Variants in FAHD2A observed in about 807,000 individuals in gnomAD.
FAHD2A encodes oxaloacetate tautomerase FAHD2A, mitochondrial.
Under a neutral mutation model 33.4 loss-of-function variants are expected in FAHD2A, and 27 were observed. The observed-to-expected ratio is 0.81, with a 90% CI of 0.60 to 1.11. The LOEUF (loss-of-function observed/expected upper bound fraction) is 1.11, where lower values mean the gene tolerates loss of function less well. Among genes scored for constraint, FAHD2A ranks in the 50% most tolerant of loss-of-function variants. The pLI, the probability that FAHD2A is intolerant of heterozygous loss-of-function variation, is 0.00. For synonymous variants in FAHD2A, 130 were observed against 153.3 expected (o/e 0.85, Z 1.12); for missense variants, 296 against 395.0 (o/e 0.75, Z 2.12).
At chr2:95,419,943 C>T (rs191587406), downstream of FAHD2A, among the ~76,000 whole-genome samples, 83 of 152,052 alleles carry the variant, frequency 5.5e-4, 2 homozygotes, top group Non-Finnish European at 7.6e-4. Flanking sequence ...GCTGGAGAAC[C>T]GGGAAAGCCA....
intron 2 of FAHD2A, among the ~76,000 whole-genome samples, chr2:95,406,457 G>T (rs1249122664): frequency 6.6e-6 from 1 of 151,086 alleles, no homozygotes; most frequent in Non-Finnish European, 1.5e-5. Flanking sequence ...AGGGACTTGG[G>T]TATATCTCTA....
chr2:95,410,453 T>TG, intron 3 of FAHD2A, 74 bp from the exon 4 acceptor site: 1 of 1,550,028 alleles, frequency 6.5e-7, no homozygotes, highest in Non-Finnish European at 8.7e-7. Flanking sequence ...CCCTTCAGCA[T>TG]GGTGTGCAGC....
rs1429804943 is a variant in FAHD2A at position 95,414,224 on chromosome 2, C to T, written c.*1267C>T. Reference sequence around the variant, plus strand: ...AGCAAACACCACTGCCTGCAGGAGCCTGGGCTGACTGGTTGGGACTCACCA... The same window carrying T: ...AGCAAACACCACTGCCTGCAGGAGCTTGGGCTGACTGGTTGGGACTCACCA... On this transcript the variant is annotated 3_prime_UTR_variant, in exon 8 of 8. Coordinates refer to ENST00000233379, the MANE Select transcript of FAHD2A (RefSeq NM_016044.3). 3.1e-6 allele frequency: 5 copies of T among 1,600,808 alleles called. No homozygotes were observed. In the East Asian group the frequency reaches 9.0e-5, roughly 29 times the overall value.
At position 95,415,282 on chromosome 2, in the gene FAHD2A, C is replaced by T. The variant is rs567641168; in HGVS notation, c.*2325C>T. 1 of 152,196 alleles carries T rather than the reference C, an allele frequency of 6.6e-6. No individual in the cohort carries two copies. The highest frequency in any genetic ancestry group is 2.1e-4 in the South Asian group (1 of 4,808). The allele number at this position is 152,196 out of a possible 1,614,324, so 9.4% of individuals were successfully genotyped here. ...AGGGCACAGTTTGGAGGCCTTGGTC[C>T]AGCCACTGCCCCAGACCCACCTTGG... On this transcript the variant is annotated 3_prime_UTR_variant, in exon 8 of 8. Coordinates refer to ENST00000233379, the MANE Select transcript of FAHD2A (RefSeq NM_016044.3).
At chr2:95,411,651 G>T (rs1462519412) in intron 5 of FAHD2A, among the ~76,000 whole-genome samples, 1 of 152,244 alleles carries the variant, frequency 6.6e-6, no homozygotes, top group East Asian at 1.9e-4. Flanking sequence ...CTTAAGGGGG[G>T]TAGAACACTA....
downstream of FAHD2A, among the ~76,000 whole-genome samples, chr2:95,420,165 G>A (rs1003736903): frequency 6.6e-6 from 1 of 152,038 alleles, no homozygotes; most frequent in Non-Finnish European, 1.5e-5. Context: ...TCAGTCAGCT[G>A]ATTCAAATGC....
At chr2:95,419,438 A>G (rs758995249), downstream of FAHD2A, among the ~76,000 whole-genome samples, 16 of 152,166 alleles carry the variant, frequency 1.1e-4, no homozygotes, top group East Asian at 3.9e-4. Context: ...GAAGAAAAAG[A>G]TTAAAAGGAG....
At chr2:95,411,718 A>G (rs1444259078) in intron 5 of FAHD2A, among the ~76,000 whole-genome samples, 1 of 152,234 alleles carries the variant, frequency 6.6e-6, no homozygotes, top group African/African-American at 2.4e-5. Flanking sequence ...ACAGTAATCC[A>G]TCCCCTGCCA....
chr2:95,413,623 G>A lies in FAHD2A; in HGVS notation c.*666G>A, dbSNP rs1375391149. ...CTCACCACAGGGACTGTGTCCACAT[G>A]GCCCAGGGGCCAGGCCTGTCCCCCA... On this transcript the variant is annotated 3_prime_UTR_variant, in exon 8 of 8. Transcript: ENST00000233379. 6 of 1,468,410 alleles carry A rather than the reference G, an allele frequency of 4.1e-6. No homozygotes were observed. In the African/African-American group the frequency reaches 8.6e-5, roughly 21 times the overall value. The allele number at this position is 1,468,410 out of a possible 1,614,324, so 91.0% of individuals were successfully genotyped here.
rs1573589186 is a variant in FAHD2A at position 95,414,430 on chromosome 2, C to G, written c.*1473C>G. The stretch of plus-strand genomic sequence containing the variant: ...AGGAAAGGTTGTGGAAGGCCTGCAC[C>G]CCGTCTCAGTTCCTCCACTGCTTCG... On this transcript the variant is annotated 3_prime_UTR_variant, in exon 8 of 8. Coordinates refer to ENST00000233379, the MANE Select transcript of FAHD2A (RefSeq NM_016044.3). 1 of 580,504 alleles carries G rather than the reference C, an allele frequency of 1.7e-6. No individual in the cohort carries two copies. The highest frequency in any genetic ancestry group is 3.0e-5 in the East Asian group (1 of 33,074). 36.0% of individuals were successfully genotyped at this position (580,504 alleles called of 1,614,324 possible). A position where few individuals can be genotyped will look rare whatever the true frequency, so the allele number is the denominator to read the frequency against.
Position 95,414,433 on chromosome 2 carries a change from G to A in FAHD2A, c.*1476G>A, listed in dbSNP as rs1356701221. 26 of 575,804 alleles carry A rather than the reference G, an allele frequency of 4.5e-5. No homozygotes were observed. The highest frequency in any genetic ancestry group is 7.3e-5 in the Non-Finnish European group (23 of 315,160). The allele number at this position is 575,804 out of a possible 1,614,324, so 35.7% of individuals were successfully genotyped here. A position where few individuals can be genotyped will look rare whatever the true frequency, so the allele number is the denominator to read the frequency against. On this transcript the variant is annotated 3_prime_UTR_variant, in exon 8 of 8. Transcript: ENST00000233379. ...AAAGGTTGTGGAAGGCCTGCACCCCGTCTCAGTTCCTCCACTGCTTCGTCC... is the reference window on the plus strand; with the variant it reads ...AAAGGTTGTGGAAGGCCTGCACCCCATCTCAGTTCCTCCACTGCTTCGTCC...
chr2:95,404,599 G>A (rs560182845), intron 1 of FAHD2A, among the ~76,000 whole-genome samples: 4 of 152,324 alleles, frequency 2.6e-5, no homozygotes, highest in South Asian at 2.1e-4. Flanking sequence ...ACTGGCCCTT[G>A]TGGGAAGGCA....
chr2:95,414,511 G>A lies in FAHD2A; in HGVS notation c.*1554G>A, dbSNP rs929708942. 23 of 386,956 alleles carry A rather than the reference G, an allele frequency of 5.9e-5. 1 individual carries two copies. The highest frequency in any genetic ancestry group is 8.0e-4 in the Middle Eastern group (1 of 1,248). 24.0% of individuals were successfully genotyped at this position (386,956 alleles called of 1,614,324 possible). A position where few individuals can be genotyped will look rare whatever the true frequency, so the allele number is the denominator to read the frequency against. ...AGACTTAGTCTCCCTCCATTCTCCC[G>A]TCCCCTGTGTGCCCCCATCCTGGTC... On this transcript the variant is annotated 3_prime_UTR_variant, in exon 8 of 8. Transcript: ENST00000233379.
At chr2:95,417,530 A>G (rs759874211), downstream of FAHD2A, among the ~76,000 whole-genome samples, 17 of 152,238 alleles carry the variant, frequency 1.1e-4, no homozygotes, top group Non-Finnish European at 2.2e-4. Context: ...ATATCCAAGG[A>G]TGCCCTTCGG....
chr2:95,402,954 C>A (rs928650490), intron 1 of FAHD2A, 82 bp downstream of exon 1: 1 of 152,386 alleles, frequency 6.6e-6, no homozygotes, highest in African/African-American at 2.4e-5. Flanking sequence ...AGTACCGGAT[C>A]CCCAGCCGCT....
chr2:95,414,045 G>T lies in FAHD2A; in HGVS notation c.*1088G>T. On this transcript the variant is annotated 3_prime_UTR_variant, in exon 8 of 8. Coordinates refer to ENST00000233379, the MANE Select transcript of FAHD2A (RefSeq NM_016044.3). Reference sequence around the variant, plus strand: ...AAAGAAGAGAGAAGTGAAGGCTCTAGGTAGGGAGGACAGGGAGACACTGGG... The same window carrying T: ...AAAGAAGAGAGAAGTGAAGGCTCTATGTAGGGAGGACAGGGAGACACTGGG... 6.9e-7 allele frequency: 1 copy of T among 1,444,032 alleles called. No homozygotes were observed. The highest frequency in any genetic ancestry group is 9.7e-7 in the Non-Finnish European group (1 of 1,027,196). The allele number at this position is 1,444,032 out of a possible 1,614,324, so 89.5% of individuals were successfully genotyped here. A position where few individuals can be genotyped will look rare whatever the true frequency, so the allele number is the denominator to read the frequency against.
downstream of FAHD2A, among the ~76,000 whole-genome samples, chr2:95,419,018 T>C (rs1683278125): frequency 6.6e-6 from 1 of 152,008 alleles, no homozygotes; most frequent in African/African-American, 2.4e-5. Context: ...AGATGGAGGC[T>C]GAAGTGATGC....
downstream of FAHD2A, among the ~76,000 whole-genome samples, chr2:95,417,318 A>G (rs1362985786): frequency 6.6e-6 from 1 of 152,186 alleles, no homozygotes; most frequent in Non-Finnish European, 1.5e-5. Flanking sequence ...GCTGAGTTGC[A>G]GGAAGCTGCA....
chr2:95,405,496 A>G (rs1428942137), intron 1 of FAHD2A, 57 bp from the exon 2 acceptor site: 1 of 1,552,792 alleles, frequency 6.4e-7, no homozygotes. Context: ...AATTTCAGGG[A>G]ACCTGATGAT....
Sources: allele counts gnomAD v4.1 joint callset (sites outside exome capture counted in the v4.1 genomes callset), GRCh38; gene constraint gnomAD v4.1.1; transcripts MANE v1.5; gene names NCBI Gene and HGNC (gene_info 2026-07-23, HGNC 2026-07-21).